IPO11: variants seen among roughly 807,000 people sequenced by gnomAD.
IPO11 encodes the protein importin 11.
IPO11 carries 66 observed loss-of-function variants against 143.2 expected under a neutral mutation model. The observed-to-expected ratio is 0.46, with a 90% CI of 0.38 to 0.57. IPO11 has a LOEUF of 0.57. Among genes scored for constraint, IPO11 ranks in the 20% least tolerant of loss-of-function variants. The pLI is 0.00. For missense variants in IPO11, 1,026 were observed against 1,141.0 expected (o/e 0.90, Z 1.45); for synonymous variants, 385 against 377.8 (o/e 1.02, Z -0.22).
intron 1 of IPO11, among the ~76,000 whole-genome samples, chr5:62,421,995 TG>T (rs1222044529): frequency 6.6e-6 from 1 of 152,248 alleles, no homozygotes; most frequent in African/African-American, 2.4e-5. Context: ...CAAAAAGTTT[TG>T]CCTAACTGCT....
chr5:62,511,216 G>C (rs1234714910), intron 19 of IPO11, among the ~76,000 whole-genome samples: 1 of 152,036 alleles, frequency 6.6e-6, no homozygotes. Flanking sequence ...CAATTTCTAG[G>C]AAAGTATCCT....
intron 29 of IPO11, among the ~76,000 whole-genome samples, chr5:62,613,446 G>C (rs571898285): frequency 4.4e-4 from 66 of 151,588 alleles, no homozygotes; most frequent in African/African-American, 1.6e-3. Context: ...GGGACTACAG[G>C]TGCACACCAC....
chr5:62,502,523 C>T lies in IPO11; in HGVS notation c.1591-2144C>T, dbSNP rs192553009. Among the ~76,000 whole-genome samples, 14 of 151,910 alleles carry T rather than the reference C, an allele frequency of 9.2e-5. No homozygotes were observed. The East Asian group carries it at 2.7e-3, about 29-fold the overall frequency. On this transcript the variant is annotated intron_variant, in intron 16 of 29. Transcript: ENST00000325324. ...TAAAAGTCTGTGTTTTTTTATTTTC[C>T]CTTGTGATCTGGCTTTCTGTTCTTG...
chr5:62,444,535 G>C (rs1423957519), intron 3 of IPO11, among the ~76,000 whole-genome samples: 2 of 151,998 alleles, frequency 1.3e-5, no homozygotes. Context: ...TTACGTGTCT[G>C]CTAAAATTCA....
chr5:62,507,749 T>C (rs767358723), intron 19 of IPO11, among the ~76,000 whole-genome samples: 11 of 152,244 alleles, frequency 7.2e-5, no homozygotes, highest in Non-Finnish European at 1.5e-4. Context: ...GGTCTTCTTA[T>C]CTTTGTCTCC....
chr5:62,567,558 C>CTT (rs34740276), intron 27 of IPO11, among the ~76,000 whole-genome samples: 4,403 of 70,118 alleles, frequency 0.063, 442 homozygotes, highest in African/African-American at 0.13. Flanking sequence ...CTTACATTTC[C>CTT]TTTTTTTTTT....
intron 6 of IPO11, among the ~76,000 whole-genome samples, chr5:62,469,477 T>C (rs1745691929): frequency 6.6e-6 from 1 of 152,216 alleles, no homozygotes; most frequent in African/African-American, 2.4e-5. Context: ...TATAATTCTT[T>C]AGTACTGTAA....
At chr5:62,519,579 TTA>T (rs1742139200) in intron 20 of IPO11, among the ~76,000 whole-genome samples, 2 of 152,284 alleles carry the variant, frequency 1.3e-5, no homozygotes, top group South Asian at 2.1e-4. Flanking sequence ...GCCTATATCA[TTA>T]TGTCATGATT....
intron 20 of IPO11, among the ~76,000 whole-genome samples, chr5:62,524,101 C>T (rs1291710071): frequency 6.6e-6 from 1 of 152,002 alleles, no homozygotes; most frequent in Non-Finnish European, 1.5e-5. Context: ...CATTTTTGAA[C>T]TTTCAGAGTA....
At chr5:62,536,430 CATTCATTCATTCATTT>C (rs1440078801) in intron 22 of IPO11, among the ~76,000 whole-genome samples, 18 of 114,602 alleles carry the variant, frequency 1.6e-4, no homozygotes, top group Admixed American at 8.1e-4. Flanking sequence ...TTCATTCATT[CATTCATTCATTCATTT>C]ATTCATTCAT....
At chr5:62,493,838 C>T (rs1300080872) in intron 15 of IPO11, among the ~76,000 whole-genome samples, 160 bp from the exon 16 acceptor site, 1 of 151,922 alleles carries the variant, frequency 6.6e-6, no homozygotes, top group African/African-American at 2.4e-5. Context: ...CAAAGTGCTG[C>T]GATTATAAGC....
At chr5:62,489,551 A>T (rs562254893) in intron 14 of IPO11, among the ~76,000 whole-genome samples, 2 of 152,358 alleles carry the variant, frequency 1.3e-5, no homozygotes, top group South Asian at 2.1e-4. Flanking sequence ...GTAGGTGATG[A>T]TCACCAGATA....
chr5:62,477,504 C>G (rs566554948), intron 9 of IPO11, among the ~76,000 whole-genome samples: 1 of 152,244 alleles, frequency 6.6e-6, no homozygotes, highest in South Asian at 2.1e-4. Context: ...TTTCAGTTGT[C>G]TTCGTTTCTC....
At chr5:62,533,411 C>A (rs1183287764) in intron 22 of IPO11, among the ~76,000 whole-genome samples, 1 of 152,052 alleles carries the variant, frequency 6.6e-6, no homozygotes, top group African/African-American at 2.4e-5. Flanking sequence ...GAGGTTTCTT[C>A]ATGTTGGTCA....
chr5:62,557,894 C>G (rs567997237), intron 26 of IPO11, among the ~76,000 whole-genome samples: 5 of 152,318 alleles, frequency 3.3e-5, no homozygotes, highest in East Asian at 1.9e-4. Flanking sequence ...TCTTCTCTGC[C>G]TTCTCTCCTC....
intron 22 of IPO11, among the ~76,000 whole-genome samples, chr5:62,531,550 G>C (rs963510891): frequency 1.3e-5 from 2 of 152,026 alleles, no homozygotes; most frequent in Non-Finnish European, 2.9e-5. Context: ...GGCTGGTCTC[G>C]AACTCCTGAC....
rs376825497 is a variant in IPO11, at chr5:62,614,064, T to A, written c.2763+12216T>A. 8.5e-5 allele frequency among the ~76,000 whole-genome samples: 13 copies of A among 152,352 alleles called. No homozygotes were observed. The South Asian group carries it at 2.5e-3, about 29-fold the overall frequency. Reference sequence around the variant, plus strand: ...TTATCTTTATTTTCTTTTTCGCATGTGCATTGTGTGTGAACATCATATTAA... The same window carrying A: ...TTATCTTTATTTTCTTTTTCGCATGAGCATTGTGTGTGAACATCATATTAA... On this transcript the variant is annotated intron_variant, in intron 29 of 29. Transcript: ENST00000325324.
At chr5:62,508,027 A>G (rs1056662437) in intron 19 of IPO11, among the ~76,000 whole-genome samples, 1 of 152,194 alleles carries the variant, frequency 6.6e-6, no homozygotes, top group African/African-American at 2.4e-5. Context: ...CCTCTGATCA[A>G]CCCTATCATT....
At chr5:62,574,643 CT>C (rs1744252081) in intron 27 of IPO11, among the ~76,000 whole-genome samples, 1 of 152,146 alleles carries the variant, frequency 6.6e-6, no homozygotes, top group Admixed American at 6.5e-5. Flanking sequence ...AATAGTTCTG[CT>C]TTCTGTGCTT....
Sources: allele counts gnomAD v4.1 joint callset (sites outside exome capture counted in the v4.1 genomes callset), GRCh38; gene constraint gnomAD v4.1.1; transcripts MANE v1.5; gene names NCBI Gene and HGNC (gene_info 2026-07-23, HGNC 2026-07-21).